GXYLT2: variants seen among roughly 807,000 people sequenced by gnomAD.
GXYLT2 encodes glycosyltransferase 8 domain containing 4.
GXYLT2 carries 53 observed loss-of-function variants against 45.8 expected under a neutral mutation model. The ratio of observed to expected loss-of-function variants is 1.16; its 90% CI spans 0.93 to 1.46. GXYLT2 has a LOEUF of 1.46. Among genes scored for constraint, GXYLT2 ranks in the 40% most tolerant of loss-of-function variants. The pLI is 0.00. For synonymous variants in GXYLT2, 219 were observed against 214.2 expected, an observed-to-expected ratio of 1.02 and a Z score of -0.19; for missense variants, 551 against 544.4, an observed-to-expected ratio of 1.01 and a Z score of -0.12.
intron 2 of GXYLT2, among the ~76,000 whole-genome samples, chr3:72,909,587 C>A (rs1168269958): frequency 6.6e-6 from 1 of 152,116 alleles, no homozygotes; most frequent in Non-Finnish European, 1.5e-5. Context: ...TTACCTCATT[C>A]TTTTTGGTGA....
At chr3:72,915,969 G>T (rs969785341) in intron 2 of GXYLT2, among the ~76,000 whole-genome samples, 2 of 152,028 alleles carry the variant, frequency 1.3e-5, no homozygotes, top group Non-Finnish European at 2.9e-5. Flanking sequence ...GGTCCTTGTT[G>T]TCTTACCTTC....
At chr3:72,944,898 A>G (rs986740529) in intron 3 of GXYLT2, among the ~76,000 whole-genome samples, 28 of 152,068 alleles carry the variant, frequency 1.8e-4, no homozygotes, top group African/African-American at 6.5e-4. Flanking sequence ...AGAGGCCTAG[A>G]GGGTGACGTC....
chr3:72,930,074 G>T (rs1484148579), intron 3 of GXYLT2, among the ~76,000 whole-genome samples: 2 of 151,580 alleles, frequency 1.3e-5, no homozygotes, highest in African/African-American at 4.8e-5. Context: ...GGTGAGCCAG[G>T]AGAATCACTT....
At chr3:72,973,274 A>G (rs1007476344) in intron 6 of GXYLT2, among the ~76,000 whole-genome samples, 4 of 152,106 alleles carry the variant, frequency 2.6e-5, no homozygotes, top group Non-Finnish European at 4.4e-5. Context: ...AGCCCAGGGG[A>G]AATCTGGGGA....
At chr3:72,967,824 G>T (rs1710896372) in intron 6 of GXYLT2, 105 bp downstream of exon 6, 4 of 862,718 alleles carry the variant, frequency 4.6e-6, no homozygotes, top group Non-Finnish European at 7.3e-6. Context: ...CCAAAGCATA[G>T]AGTTATACCA....
At chr3:72,893,837 T>A (rs58301079) in intron 1 of GXYLT2, among the ~76,000 whole-genome samples, 3,481 of 152,060 alleles carry the variant, frequency 0.023, 114 homozygotes, top group African/African-American at 0.079. Context: ...TTTTATTACT[T>A]TTATTATTTG....
intron 1 of GXYLT2, among the ~76,000 whole-genome samples, chr3:72,902,148 T>G (rs1183263161): frequency 6.6e-6 from 1 of 152,238 alleles, no homozygotes; most frequent in Admixed American, 6.5e-5. Context: ...TGAACATTTG[T>G]GTACAACCTT....
At chr3:72,935,710 A>T (rs902331728) in intron 3 of GXYLT2, among the ~76,000 whole-genome samples, 2 of 152,262 alleles carry the variant, frequency 1.3e-5, no homozygotes, top group African/African-American at 4.8e-5. Context: ...CAATACCTTT[A>T]AAATTCACAG....
At chr3:72,963,420 A>G (rs1321196809) in intron 5 of GXYLT2, among the ~76,000 whole-genome samples, 3 of 152,008 alleles carry the variant, frequency 2.0e-5, no homozygotes, top group Admixed American at 6.6e-5. Flanking sequence ...TAAAAATACG[A>G]AACTCTGGCT....
In GXYLT2 at chr3:72,888,410, C is replaced by A; in HGVS notation, c.177C>A (p.Ala59=). 9.7e-7 allele frequency: 1 copy of A among 1,035,934 alleles called. No individual in the cohort carries two copies. Among genetic ancestry groups the A allele is most frequent in the South Asian group, 4.5e-5 (1 of 22,414 alleles). 64.2% of individuals were successfully genotyped at this position (1,035,934 alleles called of 1,614,324 possible). ...CCGCGCGCTGGCCGGGGCCGGGCGC[C>A]CTCCCCGGGGCCAGCCCGGGAGTTC... ...PVPARWPGPG[A]LPGASPGVRR... Residue 59 remains alanine (A), a synonymous_variant, in exon 1 of 7, where the codon GCC becomes GCA. Coordinates refer to ENST00000389617, the MANE Select transcript of GXYLT2 (RefSeq NM_001080393.2).
chr3:72,975,966 C>T lies in GXYLT2; in HGVS notation c.*807C>T, dbSNP rs1285477026. ...TTTTTTTTTGAGACGGAATCTCACT[C>T]TGTAGCCCAGGCTAGAATGCAGTGG... On this transcript the variant is annotated 3_prime_UTR_variant, in exon 7 of 7. Coordinates refer to ENST00000389617, the MANE Select transcript of GXYLT2 (RefSeq NM_001080393.2). 1 of 131,006 alleles carries T rather than the reference C, an allele frequency of 7.6e-6. No homozygotes were observed. Among genetic ancestry groups the T allele is most frequent in the East Asian group, 2.3e-4 (1 of 4,364 alleles). 8.1% of individuals were successfully genotyped at this position (131,006 alleles called of 1,614,324 possible).
intron 3 of GXYLT2, among the ~76,000 whole-genome samples, chr3:72,928,240 T>C (rs1709955236): frequency 6.6e-6 from 1 of 152,164 alleles, no homozygotes; most frequent in Non-Finnish European, 1.5e-5. Context: ...AAAATAACTA[T>C]CTAAATACTT....
intron 5 of GXYLT2, among the ~76,000 whole-genome samples, chr3:72,959,761 A>C (rs976412477): frequency 6.6e-6 from 1 of 151,572 alleles, no homozygotes; most frequent in Non-Finnish European, 1.5e-5. Flanking sequence ...CAGCCTCCCA[A>C]GTAGCTGGGA....
intron 3 of GXYLT2, among the ~76,000 whole-genome samples, chr3:72,941,909 G>A (rs1710307131): frequency 6.6e-6 from 1 of 152,082 alleles, no homozygotes; most frequent in African/African-American, 2.4e-5. Context: ...CACCTGAGTA[G>A]CAATGAACAC....
chr3:72,936,271 G>A (rs757321366), intron 3 of GXYLT2, among the ~76,000 whole-genome samples: 21 of 146,808 alleles, frequency 1.4e-4, no homozygotes, highest in Non-Finnish European at 3.1e-4. Context: ...CAGCCTGGGT[G>A]ACAGAGCAAG....
chr3:72,943,098 C>T (rs1260089184), intron 3 of GXYLT2, among the ~76,000 whole-genome samples: 1 of 152,086 alleles, frequency 6.6e-6, no homozygotes, highest in Non-Finnish European at 1.5e-5. Flanking sequence ...TGAAAATCAG[C>T]ACAGTCAAGC....
At chr3:72,913,046 T>TG (rs59616476) in intron 2 of GXYLT2, among the ~76,000 whole-genome samples, 1 of 151,212 alleles carries the variant, frequency 6.6e-6, no homozygotes. Context: ...TTTTTTTTTT[T>TG]GTTTTTTTTG....
At chr3:72,893,355 A>G (rs1709218570) in intron 1 of GXYLT2, among the ~76,000 whole-genome samples, 1 of 152,208 alleles carries the variant, frequency 6.6e-6, no homozygotes. Context: ...ATGTTTGTGC[A>G]CATCCTAACA....
chr3:72,920,970 C>T (rs910352081), intron 2 of GXYLT2, among the ~76,000 whole-genome samples: 2 of 151,622 alleles, frequency 1.3e-5, no homozygotes, highest in African/African-American at 2.4e-5. Context: ...TACAGGCGCC[C>T]ACCACCACGC....
Sources: gnomAD v4.1 joint callset for allele counts (sites outside exome capture counted in the v4.1 genomes callset) on GRCh38, gnomAD v4.1.1 for gene constraint, MANE v1.5 for transcripts, NCBI Gene and HGNC (gene_info 2026-07-23, HGNC 2026-07-21) for gene names.